The following RIMKLB variants were observed in gnomAD, a reference collection of about 807,000 sequenced individuals.
RIMKLB encodes the protein beta-citrylglutamate synthase B.
Under a neutral mutation model 32.0 loss-of-function variants are expected in RIMKLB, and 7 were observed. The ratio of observed to expected loss-of-function variants is 0.22; its 90% CI spans 0.12 to 0.41. RIMKLB has a LOEUF of 0.41. RIMKLB is among the 10% of genes least tolerant of loss of function. The probability of loss-of-function intolerance (pLI) is 1.00; values close to 1 mark genes in which losing one functional copy is unlikely to be tolerated. For missense variants in RIMKLB, 289 were observed against 498.7 expected (o/e 0.58, Z 4.00); for synonymous variants, 172 against 185.1 (o/e 0.93, Z 0.57).
chr12:8,764,867 T>A (rs1949827790), intron 5 of RIMKLB, among the ~76,000 whole-genome samples: 1 of 151,638 alleles, frequency 6.6e-6, no homozygotes, highest in Non-Finnish European at 1.5e-5. Context: ...TATTAGGCGT[T>A]GGATTTGCCC....
intron 1 of RIMKLB, among the ~76,000 whole-genome samples, chr12:8,705,343 G>A (rs1257814686): frequency 1.3e-5 from 2 of 152,030 alleles, no homozygotes; most frequent in Non-Finnish European, 2.9e-5. Flanking sequence ...CGGGTGTGGT[G>A]GCACACGCCT....
At chr12:8,696,273 G>A (rs1942886903), upstream of RIMKLB, among the ~76,000 whole-genome samples, 1 of 152,122 alleles carries the variant, frequency 6.6e-6, no homozygotes, top group Admixed American at 6.5e-5. Flanking sequence ...CTTGGTCTTG[G>A]AGTTGAATAT....
intron 1 of RIMKLB, among the ~76,000 whole-genome samples, chr12:8,709,668 AGGTTTCACTTTCCCT>A (rs571478527): frequency 3.5e-3 from 531 of 152,372 alleles, no homozygotes; most frequent in Non-Finnish European, 6.1e-3. Flanking sequence ...ACCACTGGAC[AGGTTTCACTTTCCCT>A]GGTTTCACTT....
At chr12:8,669,711 A>G in the RIMKLB span, among the ~76,000 whole-genome samples, 1 of 152,068 alleles carries the variant, frequency 6.6e-6, no homozygotes, top group Non-Finnish European at 1.5e-5. Flanking sequence ...AAGGGACAGG[A>G]CAGAAGGAAG....
intron 2 of RIMKLB, among the ~76,000 whole-genome samples, chr12:8,719,675 G>C (rs1945244349): frequency 6.6e-6 from 1 of 152,060 alleles, no homozygotes; most frequent in African/African-American, 2.4e-5. Flanking sequence ...AGCCTAAGCT[G>C]GGTTTTTTGT....
chr12:8,773,385 T>A lies in RIMKLB; in HGVS notation c.762T>A (p.Asn254Lys). Residue 254 changes from asparagine (N) to lysine (K), a missense_variant, in exon 6 of 6, where the codon AAT becomes AAA. Asn to Lys is a moderately conservative substitution (Grantham distance 94). Transcript: ENST00000535829. Reference protein sequence around the residue: ...QGKQLAIQVSNILGMDVCGID... With the variant: ...QGKQLAIQVSKILGMDVCGID... ...AGCAGCTAGCTATCCAGGTGTCTAA[T>A]ATCCTGGGGATGGATGTGTGTGGCA... The A allele has an allele frequency of 1.9e-6, 3 of 1,614,064 alleles. No homozygotes were observed. The highest frequency in any genetic ancestry group is 1.7e-6 in the Non-Finnish European group (2 of 1,179,880).
chr12:8,743,655 C>T (rs1947796794), intron 2 of RIMKLB, among the ~76,000 whole-genome samples: 1 of 151,818 alleles, frequency 6.6e-6, no homozygotes, highest in South Asian at 2.1e-4. Context: ...CCATTCAGAT[C>T]AGAGCATAAT....
intron 5 of RIMKLB, among the ~76,000 whole-genome samples, chr12:8,766,872 T>C (rs1184467879): frequency 2.0e-5 from 3 of 152,226 alleles, no homozygotes; most frequent in African/African-American, 2.4e-5. Flanking sequence ...TAAGCTAACT[T>C]TTTGCTTTTT....
intron 2 of RIMKLB, among the ~76,000 whole-genome samples, chr12:8,733,871 C>G (rs1351545404): frequency 2.0e-5 from 3 of 152,010 alleles, no homozygotes; most frequent in African/African-American, 7.2e-5. Flanking sequence ...ACAGTGAGAC[C>G]CTGTCTCTGG....
chr12:8,768,786 AAAT>A (rs1279699279), intron 5 of RIMKLB, among the ~76,000 whole-genome samples: 2 of 152,224 alleles, frequency 1.3e-5, no homozygotes, highest in East Asian at 3.8e-4. Context: ...TTTGCTTGGA[AAAT>A]GATACATTTC....
chr12:8,734,782 T>G (rs778701633), intron 2 of RIMKLB, among the ~76,000 whole-genome samples: 1 of 152,142 alleles, frequency 6.6e-6, no homozygotes, highest in South Asian at 2.1e-4. Flanking sequence ...TTCCAAATTA[T>G]TTTATAAAAA....
intron 1 of RIMKLB, chr12:8,699,920 C>A (rs772944377): frequency 3.3e-5 from 5 of 152,218 alleles, no homozygotes; most frequent in South Asian, 4.1e-4. Flanking sequence ...CCTTGCCCCC[C>A]CGCAGGGGGT....
intron 2 of RIMKLB, among the ~76,000 whole-genome samples, chr12:8,725,613 G>A (rs1945904886): frequency 6.6e-6 from 1 of 152,216 alleles, no homozygotes. Flanking sequence ...CCTGGCAGAG[G>A]CTGCAAGGGG....
At chr12:8,748,605 T>C (rs749173263) in intron 2 of RIMKLB, among the ~76,000 whole-genome samples, 1 of 148,190 alleles carries the variant, frequency 6.7e-6, no homozygotes, top group African/African-American at 2.5e-5. Flanking sequence ...AATTTATATA[T>C]TTTTTATATA....
At chr12:8,767,947 T>G (rs1325812533) in intron 5 of RIMKLB, among the ~76,000 whole-genome samples, 1 of 152,192 alleles carries the variant, frequency 6.6e-6, no homozygotes, top group Non-Finnish European at 1.5e-5. Flanking sequence ...TGGAGGTCCC[T>G]TCGTGGTCAC....
At chr12:8,714,629 T>C (rs1591697587) in intron 2 of RIMKLB, among the ~76,000 whole-genome samples, 1 of 152,268 alleles carries the variant, frequency 6.6e-6, no homozygotes, top group African/African-American at 2.4e-5. Flanking sequence ...ATTTTTCTAG[T>C]ATTTTTAATA....
At chr12:8,753,476 A>G (rs1185703581) in intron 4 of RIMKLB, among the ~76,000 whole-genome samples, 1 of 152,230 alleles carries the variant, frequency 6.6e-6, no homozygotes, top group African/African-American at 2.4e-5. Flanking sequence ...TCAGAAATAA[A>G]TTGAGGTAAC....
At chr12:8,762,527 CT>C (rs1949617570) in intron 5 of RIMKLB, among the ~76,000 whole-genome samples, 1 of 152,148 alleles carries the variant, frequency 6.6e-6, no homozygotes, top group Non-Finnish European at 1.5e-5. Flanking sequence ...ACTGCCACCT[CT>C]TTAGGTTTCT....
chr12:8,781,171 T>C (rs1951010570), downstream of RIMKLB, among the ~76,000 whole-genome samples: 1 of 152,084 alleles, frequency 6.6e-6, no homozygotes, highest in Admixed American at 6.6e-5. Context: ...AGAAACCCCA[T>C]CTCTACTAAA....
Sources: allele counts gnomAD v4.1 joint callset (sites outside exome capture counted in the v4.1 genomes callset), GRCh38; gene constraint gnomAD v4.1.1; transcripts MANE v1.5; gene names NCBI Gene and HGNC (gene_info 2026-07-23, HGNC 2026-07-21).